Variants in STAT4 observed in about 807,000 individuals in gnomAD.
STAT4 encodes the protein signal transducer and activator of transcription 4.
A neutral mutation model predicts 110.5 loss-of-function variants in STAT4; 42 were observed. The observed-to-expected ratio is 0.38, with a 90% CI of 0.30 to 0.49. The LOEUF is 0.49. STAT4 is among the 20% of genes least tolerant of loss of function. The probability of loss-of-function intolerance (pLI) is 0.95; values close to 1 mark genes in which losing one functional copy is unlikely to be tolerated. For missense variants in STAT4, 632 were observed against 887.9 expected, an observed-to-expected ratio of 0.71 and a Z score of 3.66; for synonymous variants, 284 against 302.2, an observed-to-expected ratio of 0.94 and a Z score of 0.63.
At chr2:191,057,914 TAAG>T in intron 13 of STAT4, 101 bp downstream of exon 13, 1 of 1,096,730 alleles carries the variant, frequency 9.1e-7, no homozygotes, top group Non-Finnish European at 1.3e-6. Context: ...TAATTTCAAA[TAAG>T]AAATATTTAA....
intron 3 of STAT4, among the ~76,000 whole-genome samples, chr2:191,115,472 CCTT>C (rs1023524948): frequency 3.5e-4 from 54 of 152,358 alleles, no homozygotes; most frequent in African/African-American, 1.3e-3. Flanking sequence ...ACCCACTTGT[CCTT>C]CTGTCTGGTT....
chr2:191,057,400 A>G (rs958660285), intron 13 of STAT4, among the ~76,000 whole-genome samples: 7 of 152,270 alleles, frequency 4.6e-5, no homozygotes, highest in Non-Finnish European at 7.4e-5. Context: ...CTCCATTTTA[A>G]GACAGATTAT....
intron 3 of STAT4, among the ~76,000 whole-genome samples, chr2:191,108,654 G>A (rs1360037498): frequency 6.6e-6 from 1 of 152,142 alleles, no homozygotes; most frequent in Non-Finnish European, 1.5e-5. Context: ...CTTAGAAAAG[G>A]AAACCTTTTG....
rs1177904974 is a variant in STAT4, at chr2:191,030,407, G to A, written c.2221-541C>T. On this transcript the variant is annotated intron_variant, in intron 23 of 23. Transcript: ENST00000392320. The surrounding 1 kb of genome is among the most constrained non-coding windows in gnomAD (Gnocchi z 4.4). ...AGCATGCATCCCAAATAACATTATTGCATTAAAGATTATGACTCATTTCTC... is the reference window on the plus strand; with the variant it reads ...AGCATGCATCCCAAATAACATTATTACATTAAAGATTATGACTCATTTCTC... 5.3e-5 allele frequency among the ~76,000 whole-genome samples: 8 copies of A among 152,108 alleles called. No individual in the cohort carries two copies. The highest frequency in any genetic ancestry group is 1.2e-4 in the Non-Finnish European group (8 of 68,012).
Position 191,043,035 on chromosome 2 carries a change from T to C in STAT4, c.1252-1887A>G, listed in dbSNP as rs1299946949. 1.3e-5 allele frequency among the ~76,000 whole-genome samples: 2 copies of C among 152,234 alleles called. No individual in the cohort carries two copies. Among genetic ancestry groups the C allele is most frequent in the Non-Finnish European group, 2.9e-5 (2 of 68,030 alleles). On this transcript the variant is annotated intron_variant, in intron 14 of 23. Transcript: ENST00000392320. The surrounding 1 kb of genome is among the most constrained non-coding windows in gnomAD (Gnocchi z 4.8). ...CTCAGGTGATCCACCCGCCTTGGCC[T>C]CCCAAAGTGCTGGGATTACAGGCGT...
In STAT4 at chr2:191,058,034, A is replaced by G. The variant is rs1228274775; in HGVS notation, c.1190T>C (p.Val397Ala). 5 of 1,613,916 alleles carry G rather than the reference A, an allele frequency of 3.1e-6. No individual in the cohort carries two copies. The highest frequency in any genetic ancestry group is 3.3e-5 in the Admixed American group (2 of 59,996). Residue 397 changes from valine to alanine, a missense_variant, in exon 13 of 24, where the codon GTA becomes GCA. This residue lies in a region of STAT4 where 488 missense variants were observed against 632.8 expected (regional missense o/e 0.77). Transcript: ENST00000392320. The surrounding 1 kb of genome is among the most constrained non-coding windows in gnomAD (Gnocchi z 4.3). ...IEESSNGSLS[V>A]EFRHLQPKEM... Reference sequence around the variant, plus strand: ...CAAACTTACCAAATGTCGAAATTCTACTGAGAGACTCCCATTGGAAGATTC... The same window carrying G: ...CAAACTTACCAAATGTCGAAATTCTGCTGAGAGACTCCCATTGGAAGATTC...
chr2:191,052,988 T>G (rs1331278071), intron 14 of STAT4, among the ~76,000 whole-genome samples: 1 of 152,166 alleles, frequency 6.6e-6, no homozygotes, highest in African/African-American at 2.4e-5. Context: ...TGAGCTCATC[T>G]TTGGTGAGGC....
At chr2:191,123,079 C>T (rs561244055) in intron 3 of STAT4, among the ~76,000 whole-genome samples, 67 of 152,348 alleles carry the variant, frequency 4.4e-4, no homozygotes, top group African/African-American at 1.5e-3. Context: ...CCTCAGTCTA[C>T]ACCTCTTTCA....
In STAT4 at chr2:191,031,638, C is replaced by A; in HGVS notation, c.2045-122G>T. 1 of 721,070 alleles carries A rather than the reference C, an allele frequency of 1.4e-6. No individual in the cohort carries two copies. Among genetic ancestry groups the A allele is most frequent in the Non-Finnish European group, 2.3e-6 (1 of 432,714 alleles). 44.7% of individuals were successfully genotyped at this position (721,070 alleles called of 1,614,324 possible). A position where few individuals can be genotyped will look rare whatever the true frequency, so the allele number is the denominator to read the frequency against. On this transcript the variant is annotated intron_variant, in intron 21 of 23. Transcript: ENST00000392320. The surrounding 1 kb of genome is among the most constrained non-coding windows in gnomAD (Gnocchi z 4.8). ...GAGGAAGAGAGATAACGCAGTTGTTCGGTGATACACAGAAATGTTTTGTTA... is the reference window on the plus strand; with the variant it reads ...GAGGAAGAGAGATAACGCAGTTGTTAGGTGATACACAGAAATGTTTTGTTA...
Position 191,083,353 on chromosome 2 carries a change from T to A in STAT4, c.274-7028A>T, listed in dbSNP as rs1435935007. Among the ~76,000 whole-genome samples the A allele has an allele frequency of 1.3e-5, 2 of 152,070 alleles. No homozygotes were observed. Among genetic ancestry groups the A allele is most frequent in the Non-Finnish European group, 2.9e-5 (2 of 68,006 alleles). ...TACTCAAGGACTTTGGGAACTGGAGTATTTTCACATCAGCTCTTGTCATCT... is the reference window on the plus strand; with the variant it reads ...TACTCAAGGACTTTGGGAACTGGAGAATTTTCACATCAGCTCTTGTCATCT... On this transcript the variant is annotated intron_variant, in intron 3 of 23. Transcript: ENST00000392320. The surrounding 1 kb of genome is among the most constrained non-coding windows in gnomAD (Gnocchi z 4.6).
rs1482502058 is a variant in STAT4, at chr2:191,150,760, G to C, written c.-2+187C>G. Among the ~76,000 whole-genome samples the C allele has an allele frequency of 6.6e-6, 1 of 152,226 alleles. No homozygotes were observed. Among genetic ancestry groups the C allele is most frequent in the African/African-American group, 2.4e-5 (1 of 41,472 alleles). ...GGGCCTGCGGAGCGGTTTCCGCGGA[G>C]AACCCGTGCCAGGGCGCATCTGTGG... On this transcript the variant is annotated intron_variant, in intron 1 of 23. Transcript: ENST00000392320. The surrounding 1 kb of genome is among the most constrained non-coding windows in gnomAD (Gnocchi z 6.4).
At chr2:191,034,301 T>G (rs905146143) in intron 18 of STAT4, among the ~76,000 whole-genome samples, 2 of 151,582 alleles carry the variant, frequency 1.3e-5, no homozygotes, top group South Asian at 4.2e-4. Context: ...TGGGTGCCTG[T>G]AGTCCCAGCT....
chr2:191,066,754 G>GTGTTT lies in STAT4; in HGVS notation c.545-244_545-240dup, dbSNP rs111956440. ...TTCAGGAAAAACCATTCTGCACTGG[G>GTGTTT]TGTTTTGTTTTGTTTTGTTTTGGTG... On this transcript the variant is annotated intron_variant, in intron 6 of 23. Transcript: ENST00000392320. This position sits in a 1 kb window ranked among gnomAD's most constrained non-coding sequence, Gnocchi z 4.3. Among the ~76,000 whole-genome samples, 34 of 152,294 alleles carry GTGTTT rather than the reference G, an allele frequency of 2.2e-4. 1 individual carries two copies. Among genetic ancestry groups the GTGTTT allele is most frequent in the East Asian group, 1.4e-3 (7 of 5,182 alleles).
intron 15 of STAT4, among the ~76,000 whole-genome samples, chr2:191,040,516 A>G (rs1404429413): frequency 6.6e-6 from 1 of 152,152 alleles, no homozygotes; most frequent in Non-Finnish European, 1.5e-5. Flanking sequence ...TATTTAATGT[A>G]TATAAAGTTC....
intron 15 of STAT4, 69 bp downstream of exon 15, chr2:191,040,996 A>T: frequency 9.8e-7 from 1 of 1,022,558 alleles, no homozygotes; most frequent in Non-Finnish European, 1.3e-6. Context: ...GACTGAGCTT[A>T]CATCTATTAA....
At chr2:191,141,986 A>T (rs953842303) in intron 3 of STAT4, among the ~76,000 whole-genome samples, 1 of 152,182 alleles carries the variant, frequency 6.6e-6, no homozygotes, top group Non-Finnish European at 1.5e-5. Context: ...TGTTGGTAGG[A>T]ATGTAAATTA....
Position 191,061,649 on chromosome 2 carries a change from C to T in STAT4, c.1034+80G>A. On this transcript the variant is annotated intron_variant, in intron 10 of 23. Transcript: ENST00000392320. This position sits in a 1 kb window ranked among gnomAD's most constrained non-coding sequence, Gnocchi z 6.2. The stretch of plus-strand genomic sequence containing the variant: ...ATAAAGAACAGCTGAATGCAAGCCA[C>T]AATGAGAGAAATTGGCCTTGATCAT... The T allele has an allele frequency of 7.7e-7, 1 of 1,304,694 alleles. No homozygotes were observed. The highest frequency in any genetic ancestry group is 1.1e-6 in the Non-Finnish European group (1 of 899,342). The allele number at this position is 1,304,694 out of a possible 1,614,324, so 80.8% of individuals were successfully genotyped here. A position where few individuals can be genotyped will look rare whatever the true frequency, so the allele number is the denominator to read the frequency against.
rs1695841519 is a variant in STAT4 at position 191,030,002 on chromosome 2, CTAAG to C, written c.2221-140_2221-137del. ...CTATTACCTAGTTAAAATACTTAAA[CTAAG>C]TATTTGCAAAAGTAATTGGGGTTGA... On this transcript the variant is annotated intron_variant, in intron 23 of 23. Coordinates refer to ENST00000392320, the MANE Select transcript of STAT4 (RefSeq NM_003151.4). This position sits in a 1 kb window ranked among gnomAD's most constrained non-coding sequence, Gnocchi z 4.4. 2 of 703,606 alleles carry C rather than the reference CTAAG, an allele frequency of 2.8e-6. No individual in the cohort carries two copies. The highest frequency in any genetic ancestry group is 2.6e-5 in the Admixed American group (1 of 38,326). 43.6% of individuals were successfully genotyped at this position (703,606 alleles called of 1,614,324 possible).
rs1382384762 is a variant in STAT4 at position 191,112,181 on chromosome 2, T to C, written c.273+34432A>G. The stretch of plus-strand genomic sequence containing the variant: ...TTGTTAGAAATTATCATAAACTACA[T>C]GTTTTTGGAGAAATAAAAAGACAAA... On this transcript the variant is annotated intron_variant, in intron 3 of 23. Transcript: ENST00000392320. The surrounding 1 kb of genome is among the most constrained non-coding windows in gnomAD (Gnocchi z 4.3). Among the ~76,000 whole-genome samples, 1 of 152,226 alleles carries C rather than the reference T, an allele frequency of 6.6e-6. No homozygotes were observed. The highest frequency in any genetic ancestry group is 2.4e-5 in the African/African-American group (1 of 41,454).
Sources: allele counts gnomAD v4.1 joint callset (sites outside exome capture counted in the v4.1 genomes callset), GRCh38; gene constraint gnomAD v4.1.1; regional missense constraint gnomAD v4.1.1; non-coding constraint Gnocchi (gnomAD v3.1); transcripts MANE v1.5; gene names NCBI Gene and HGNC (gene_info 2026-07-23, HGNC 2026-07-21).